Variants in NDRG1 observed in about 807,000 individuals in gnomAD.
NDRG1 encodes N-myc downstream regulated 1.
A neutral mutation model predicts 56.9 loss-of-function variants in NDRG1; 32 were observed. The ratio of observed to expected loss-of-function variants is 0.56; its 90% CI spans 0.42 to 0.76. The LOEUF is 0.76. Among genes scored for constraint, NDRG1 ranks in the 30% least tolerant of loss-of-function variants. NDRG1 has a pLI of 0.00. For synonymous variants in NDRG1, 211 were observed against 204.1 expected (o/e 1.03, Z -0.29); for missense variants, 507 against 545.7 (o/e 0.93, Z 0.71).
At chr8:133,293,095 C>T (rs1858515952) in intron 1 of NDRG1, among the ~76,000 whole-genome samples, 1 of 152,190 alleles carries the variant, frequency 6.6e-6, no homozygotes, top group African/African-American at 2.4e-5. Flanking sequence ...TTCACATGGC[C>T]CCCACCCCGA....
At chr8:133,243,460 A>T (rs1855494289) in intron 14 of NDRG1, among the ~76,000 whole-genome samples, 1 of 152,168 alleles carries the variant, frequency 6.6e-6, no homozygotes, top group African/African-American at 2.4e-5. Flanking sequence ...ACCTCTGAGG[A>T]CTATTGCAAG....
At chr8:133,252,353 C>T (rs562340309) in intron 9 of NDRG1, among the ~76,000 whole-genome samples, 37 of 152,320 alleles carry the variant, frequency 2.4e-4, no homozygotes, top group African/African-American at 7.7e-4. Flanking sequence ...CCTAAGCCTC[C>T]CAAAGTGCTG....
Position 133,284,306 on chromosome 8 carries a change from A to C in NDRG1, c.6T>G (p.Ser2=), listed in dbSNP as rs1195247473. The C allele has an allele frequency of 3.1e-6, 5 of 1,614,022 alleles. No homozygotes were observed. Among genetic ancestry groups the C allele is most frequent in the African/African-American group, 2.7e-5 (2 of 74,892 alleles). The change falls in exon 2 of 16, where the codon TCT becomes TCG. Residue 2 remains serine, a synonymous_variant. Transcript: ENST00000323851. ...CGAGGTCTACATCCTGCATCTCCCGAGACATGTCCCTGCTGTCACCTGCCT... is the reference window on the plus strand; with the variant it reads ...CGAGGTCTACATCCTGCATCTCCCGCGACATGTCCCTGCTGTCACCTGCCT... The part of the protein sequence containing the change: M[S]REMQDVDLAE...
chr8:133,269,708 C>A (rs1450268315), intron 3 of NDRG1, among the ~76,000 whole-genome samples: 1 of 152,184 alleles, frequency 6.6e-6, no homozygotes, highest in Non-Finnish European at 1.5e-5. Flanking sequence ...GGGAAGGAAA[C>A]CTTTCTCTGC....
chr8:133,277,312 C>G (rs1436093343), intron 3 of NDRG1, among the ~76,000 whole-genome samples: 1 of 152,168 alleles, frequency 6.6e-6, no homozygotes, highest in African/African-American at 2.4e-5. Context: ...GCCTGTAATT[C>G]CAGCACTTTG....
At chr8:133,289,654 G>A (rs1445216677) in intron 1 of NDRG1, among the ~76,000 whole-genome samples, 5 of 152,170 alleles carry the variant, frequency 3.3e-5, no homozygotes, top group African/African-American at 9.7e-5. Flanking sequence ...GGATCTGCCC[G>A]AGGAAGAAAA....
chr8:133,245,997 G>A (rs1206290853), intron 13 of NDRG1, among the ~76,000 whole-genome samples: 2 of 152,222 alleles, frequency 1.3e-5, no homozygotes, highest in African/African-American at 2.4e-5. Context: ...GTGCGAGGGA[G>A]CCGCCTCATC....
chr8:133,242,473 A>G (rs1353380748), intron 14 of NDRG1, among the ~76,000 whole-genome samples: 1 of 152,208 alleles, frequency 6.6e-6, no homozygotes, highest in East Asian at 1.9e-4. Flanking sequence ...TACTCCTGAC[A>G]ACCCCTCACG....
chr8:133,273,166 CACACAA>C (rs919213621), intron 3 of NDRG1, among the ~76,000 whole-genome samples: 1 of 79,874 alleles, frequency 1.3e-5, no homozygotes, highest in Non-Finnish European at 3.1e-5. Context: ...CCCTGGTGAG[CACACAA>C]ACACAGATTC....
chr8:133,246,487 G>A, intron 13 of NDRG1, 129 bp downstream of exon 13: 1 of 1,018,616 alleles, frequency 9.8e-7, no homozygotes, highest in Admixed American at 1.7e-5. Flanking sequence ...TAAACAGATA[G>A]ATTAAATCAT....
chr8:133,283,934 T>C (rs1295724173), intron 2 of NDRG1, among the ~76,000 whole-genome samples: 1 of 152,192 alleles, frequency 6.6e-6, no homozygotes, highest in Non-Finnish European at 1.5e-5. Flanking sequence ...GTCTTCACTT[T>C]ACAAATGAGA....
intron 1 of NDRG1, chr8:133,296,520 G>C (rs1437968443): frequency 2.2e-6 from 1 of 456,032 alleles, no homozygotes; most frequent in South Asian, 1.5e-5. Flanking sequence ...ACACCGCCCT[G>C]TGTGTGCTAC....
At chr8:133,285,072 T>C (rs1036308123) in intron 1 of NDRG1, among the ~76,000 whole-genome samples, 7 of 151,970 alleles carry the variant, frequency 4.6e-5, no homozygotes, top group African/African-American at 1.7e-4. Context: ...GGTGCAGAAG[T>C]GTGGGCTGCA....
chr8:133,259,364 G>T, intron 5 of NDRG1, 134 bp from the exon 6 acceptor site: 1 of 827,322 alleles, frequency 1.2e-6, no homozygotes, highest in South Asian at 1.4e-5. Context: ...CCCAAGTCTA[G>T]TCCCTTCGCA....
rs200367524 is a variant in NDRG1 at position 133,238,876 on chromosome 8, G to T, written c.*2C>A. The T allele has an allele frequency of 3.2e-6, 5 of 1,551,688 alleles. No individual in the cohort carries two copies. In the African/African-American group the frequency reaches 4.1e-5, roughly 13 times the overall value. The stretch of plus-strand genomic sequence containing the variant: ...TCCGGGGGCGGCAGCTGGGCAGGCC[G>T]CCTAGCAGGAGACCTCCATGGACTT... On this transcript the variant is annotated 3_prime_UTR_variant, in exon 16 of 16. Coordinates refer to ENST00000323851, the MANE Select transcript of NDRG1 (RefSeq NM_006096.4).
Position 133,238,769 on chromosome 8 carries a change from G to T in NDRG1, c.*109C>A. ...GCTCACTCTTACAAAATAAGCTTTGGATTAATACCGAGTTAGGCGCAGTAT... is the reference window on the plus strand; with the variant it reads ...GCTCACTCTTACAAAATAAGCTTTGTATTAATACCGAGTTAGGCGCAGTAT... On this transcript the variant is annotated 3_prime_UTR_variant, in exon 16 of 16. Transcript: ENST00000323851. 2.3e-6 allele frequency: 3 copies of T among 1,287,740 alleles called. No homozygotes were observed. The highest frequency in any genetic ancestry group is 3.2e-6 in the Non-Finnish European group (3 of 951,136). 79.8% of individuals were successfully genotyped at this position (1,287,740 alleles called of 1,614,324 possible).
chr8:133,288,749 C>A (rs1453198166), intron 1 of NDRG1, among the ~76,000 whole-genome samples: 2 of 152,244 alleles, frequency 1.3e-5, no homozygotes, highest in Non-Finnish European at 2.9e-5. Flanking sequence ...ACCAGCCCCA[C>A]CTTTGGAGTG....
chr8:133,256,741 C>A (rs570936267), intron 8 of NDRG1, 36 bp downstream of exon 8: 7 of 1,604,358 alleles, frequency 4.4e-6, no homozygotes, highest in Non-Finnish European at 4.3e-6. Flanking sequence ...CCTCTTCTTG[C>A]AGGGATCCCG....
rs541812355 is a variant in NDRG1 at position 133,238,980 on chromosome 8, G to T, written c.1083C>A (p.Arg361=). Reference sequence around the variant, plus strand: ...CCCCCTCGCTGGTGTGCGAGCGGCTGCGGGTGCCCTCGCTGGTGTGGGAGC... The same window carrying T: ...CCCCCTCGCTGGTGTGCGAGCGGCTTCGGGTGCCCTCGCTGGTGTGGGAGC... ...RSRSHTSEGT[R]SRSHTSEGAH... The change falls in exon 16 of 16, where the codon CGC becomes CGA. Residue 361 remains arginine, a synonymous_variant. Coordinates refer to ENST00000323851, the MANE Select transcript of NDRG1 (RefSeq NM_006096.4). The T allele has an allele frequency of 2.5e-6, 4 of 1,592,568 alleles. No homozygotes were observed. The highest frequency in any genetic ancestry group is 2.3e-5 in the East Asian group (1 of 44,136).
Sources: gnomAD v4.1 joint callset for allele counts (sites outside exome capture counted in the v4.1 genomes callset) on GRCh38, gnomAD v4.1.1 for gene constraint, MANE v1.5 for transcripts, NCBI Gene and HGNC (gene_info 2026-07-23, HGNC 2026-07-21) for gene names.